Variants in AGFG2 observed in about 807,000 individuals in gnomAD.
AGFG2 encodes arf-GAP domain and FG repeat-containing protein 2.
A neutral mutation model predicts 48.0 loss-of-function variants in AGFG2; 31 were observed. The ratio of observed to expected loss-of-function variants is 0.65; its 90% CI spans 0.49 to 0.87. AGFG2 has a LOEUF of 0.87. Among genes scored for constraint, AGFG2 ranks in the 40% least tolerant of loss-of-function variants. The probability of loss-of-function intolerance (pLI) is 0.00; values close to 1 mark genes in which losing one functional copy is unlikely to be tolerated. For synonymous variants in AGFG2, 229 were observed against 260.8 expected (o/e 0.88, Z 1.18); for missense variants, 599 against 632.6 (o/e 0.95, Z 0.57).
At chr7:100,544,259 G>A (rs1201897506) in intron 1 of AGFG2, among the ~76,000 whole-genome samples, 1 of 152,154 alleles carries the variant, frequency 6.6e-6, no homozygotes, top group African/African-American at 2.4e-5. Context: ...TCAGGTGTTT[G>A]TAATAGACAC....
chr7:100,560,367 C>T (rs1309768319), intron 6 of AGFG2, among the ~76,000 whole-genome samples: 1 of 152,130 alleles, frequency 6.6e-6, no homozygotes, highest in Non-Finnish European at 1.5e-5. Context: ...TTAGTAGAGA[C>T]AGGGTTTTGC....
chr7:100,564,800 G>C (rs1800969206), intron 11 of AGFG2, 132 bp from the exon 12 acceptor site: 1 of 1,021,900 alleles, frequency 9.8e-7, no homozygotes, highest in Middle Eastern at 2.1e-4. Context: ...TACCGTGCCT[G>C]GCCTTTTCTC....
At chr7:100,542,146 G>T (rs1800431797) in intron 1 of AGFG2, among the ~76,000 whole-genome samples, 1 of 152,134 alleles carries the variant, frequency 6.6e-6, no homozygotes, top group Non-Finnish European at 1.5e-5. Flanking sequence ...CTCCTGAGTA[G>T]CTGAGACTAC....
In AGFG2 at chr7:100,539,558, C is replaced by G. The variant is rs1299208373; in HGVS notation, c.212C>G (p.Ser71Cys). 1 of 1,254,720 alleles carries G rather than the reference C, an allele frequency of 8.0e-7. No individual in the cohort carries two copies. Among genetic ancestry groups the G allele is most frequent in the East Asian group, 3.2e-5 (1 of 31,730 alleles). 77.7% of individuals were successfully genotyped at this position (1,254,720 alleles called of 1,614,324 possible). A position where few individuals can be genotyped will look rare whatever the true frequency, so the allele number is the denominator to read the frequency against. ...TVGSFVCTTC[S>C]GLLRGLNPPH... Reference sequence around the variant, plus strand: ...GGCAGCTTCGTGTGCACCACCTGCTCCGGCCTCCTGTGAGTGACCGGGAGG... The same window carrying G: ...GGCAGCTTCGTGTGCACCACCTGCTGCGGCCTCCTGTGAGTGACCGGGAGG... Residue 71 changes from serine (S) to cysteine (C), a missense_variant, in exon 1 of 12, where the codon TCC (serine) becomes TGC (cysteine). Transcript: ENST00000300176.
Position 100,562,970 on chromosome 7 carries a change from G to A in AGFG2, c.1171+24G>A. The stretch of plus-strand genomic sequence containing the variant: ...AGGTAAGCCTCCAGCATGGTCCCTT[G>A]TCCTGACCATCTGAGACTTCCAAGG... On this transcript the variant is annotated intron_variant, in intron 9 of 11. Coordinates refer to ENST00000300176, the MANE Select transcript of AGFG2 (RefSeq NM_006076.5). The surrounding 1 kb of genome is among the most constrained non-coding windows in gnomAD (Gnocchi z 5.4). 1.3e-6 allele frequency: 2 copies of A among 1,598,454 alleles called. No homozygotes were observed. The highest frequency in any genetic ancestry group is 2.2e-5 in the East Asian group (1 of 44,660).
chr7:100,551,062 ATATATTTC>A (rs1800629903), intron 3 of AGFG2, among the ~76,000 whole-genome samples: 1 of 73,908 alleles, frequency 1.4e-5, no homozygotes, highest in African/African-American at 5.7e-5. Context: ...ATATATATAT[ATATATTTC>A]TTTTTTTTTT....
Position 100,547,928 on chromosome 7 carries a change from C to A in AGFG2, c.222-894C>A, listed in dbSNP as rs756594716. 2.6e-5 allele frequency among the ~76,000 whole-genome samples: 4 copies of A among 152,324 alleles called. No individual in the cohort carries two copies. In the Middle Eastern group the frequency reaches 0.01, roughly 389 times the overall value. ...ACCACTCCACCCTTCTTTGTAGACA[C>A]AAGGAGGACCAGCTGGGCTAGAGAC... is the stretch of plus-strand genomic sequence containing the variant. On this transcript the variant is annotated intron_variant, in intron 1 of 11. Transcript: ENST00000300176.
chr7:100,562,487 C>G lies in AGFG2; in HGVS notation c.999-107C>G, dbSNP rs1456619852. The G allele has an allele frequency of 1.3e-6, 2 of 1,599,608 alleles. No homozygotes were observed. Among genetic ancestry groups the G allele is most frequent in the Middle Eastern group, 1.7e-4 (1 of 6,016 alleles). ...TCTCCTGGCAGTTCTCCCCTCCCCT[C>G]CTCTCCCTTACTCACCCTGGAGAGC... On this transcript the variant is annotated intron_variant, in intron 7 of 11. Coordinates refer to ENST00000300176, the MANE Select transcript of AGFG2 (RefSeq NM_006076.5). This position sits in a 1 kb window ranked among gnomAD's most constrained non-coding sequence, Gnocchi z 5.4.
rs951617029 is a variant in AGFG2, at chr7:100,545,319, T to G, written c.222-3503T>G. Among the ~76,000 whole-genome samples, 19 of 152,118 alleles carry G rather than the reference T, an allele frequency of 1.2e-4. 1 individual carries two copies. The highest frequency in any genetic ancestry group is 4.6e-4 in the African/African-American group (19 of 41,420). On this transcript the variant is annotated intron_variant, in intron 1 of 11. Coordinates refer to ENST00000300176, the MANE Select transcript of AGFG2 (RefSeq NM_006076.5). ...ATAGAAGCAAAAATATGGGCCAGCA[T>G]GAGGGTGATGATCACAGAAAAACAA...
intron 1 of AGFG2, among the ~76,000 whole-genome samples, chr7:100,546,675 C>T (rs1052457112): frequency 6.6e-6 from 1 of 152,152 alleles, no homozygotes; most frequent in Non-Finnish European, 1.5e-5. Context: ...TTTGAGATCA[C>T]AGGGACAATG....
In AGFG2 at chr7:100,539,372, C is replaced by T. The variant is rs1300093652; in HGVS notation, c.26C>T (p.Pro9Leu). Residue 9 changes from proline (P) to leucine (L), a missense_variant, in exon 1 of 12, where the codon CCG becomes CTG. Coordinates refer to ENST00000300176, the MANE Select transcript of AGFG2 (RefSeq NM_006076.5). Reference protein sequence around the residue: MVMAAKKGPGPGGGVSGGK... With the variant: MVMAAKKGLGPGGGVSGGK... Reference sequence around the variant, plus strand: ...ATGGTGATGGCGGCGAAGAAGGGCCCGGGCCCGGGCGGCGGGGTCAGCGGG... The same window carrying T: ...ATGGTGATGGCGGCGAAGAAGGGCCTGGGCCCGGGCGGCGGGGTCAGCGGG... 2 of 1,277,738 alleles carry T rather than the reference C, an allele frequency of 1.6e-6. No individual in the cohort carries two copies. Among genetic ancestry groups the T allele is most frequent in the Non-Finnish European group, 2.0e-6 (2 of 1,008,448 alleles). The allele number at this position is 1,277,738 out of a possible 1,614,324, so 79.2% of individuals were successfully genotyped here.
At chr7:100,555,573 AT>A (rs1800742493) in intron 5 of AGFG2, 36 bp from the exon 6 acceptor site, 3 of 1,592,848 alleles carry the variant, frequency 1.9e-6, no homozygotes, top group African/African-American at 2.7e-5. Flanking sequence ...ACACCCGACA[AT>A]TTTCTATATA....
chr7:100,566,295 G>C lies in AGFG2; in HGVS notation c.*1304G>C, dbSNP rs892323412. On this transcript the variant is annotated 3_prime_UTR_variant, in exon 12 of 12. Transcript: ENST00000300176. The stretch of plus-strand genomic sequence containing the variant: ...TGGTGCCAATGTGGTGCTGGAAGTA[G>C]ACCCCTCCTGGGTCTGGAACATTCT... 2 of 152,302 alleles carry C rather than the reference G, an allele frequency of 1.3e-5. No individual in the cohort carries two copies. Among genetic ancestry groups the C allele is most frequent in the Non-Finnish European group, 2.9e-5 (2 of 68,084 alleles). The allele number at this position is 152,302 out of a possible 1,614,324, so 9.4% of individuals were successfully genotyped here.
chr7:100,561,128 T>C (rs1446362514), intron 6 of AGFG2, among the ~76,000 whole-genome samples: 4 of 100,726 alleles, frequency 4.0e-5, no homozygotes, highest in African/African-American at 1.4e-4. Context: ...CAGATCTCCC[T>C]TTTTTTTTTT....
intron 3 of AGFG2, among the ~76,000 whole-genome samples, chr7:100,551,030 T>TTTTATATATATATATA (rs1378400368): frequency 1.8e-5 from 1 of 56,036 alleles, no homozygotes; most frequent in Non-Finnish European, 2.8e-5. Flanking sequence ...CCTGGCTAAT[T>TTTTATATATATATATA]TATATATATA....
chr7:100,548,758 C>T (rs770268581), intron 1 of AGFG2, 64 bp from the exon 2 acceptor site: 7 of 1,287,342 alleles, frequency 5.4e-6, no homozygotes, highest in Non-Finnish European at 7.9e-6. Flanking sequence ...TCCTCCTCCT[C>T]CCATGAACAG....
intron 3 of AGFG2, among the ~76,000 whole-genome samples, chr7:100,551,071 T>TATATATATATATATATA (rs1491536203): frequency 2.2e-5 from 2 of 90,366 alleles, no homozygotes; most frequent in African/African-American, 5.1e-5. Flanking sequence ...TATATATTTC[T>TATATATATATATATATA]TTTTTTTTTT....
chr7:100,543,315 T>G (rs1220441479), intron 1 of AGFG2, among the ~76,000 whole-genome samples: 1 of 152,190 alleles, frequency 6.6e-6, no homozygotes, highest in Non-Finnish European at 1.5e-5. Context: ...TCCACCTGCC[T>G]TGGCCTCCCA....
At chr7:100,545,729 G>T (rs190545252) in intron 1 of AGFG2, among the ~76,000 whole-genome samples, 55 of 152,304 alleles carry the variant, frequency 3.6e-4, no homozygotes, top group African/African-American at 1.3e-3. Flanking sequence ...GTGCAAGTGG[G>T]AGAGCTGGGC....
Sources: gnomAD v4.1 joint callset for allele counts (sites outside exome capture counted in the v4.1 genomes callset) on GRCh38, gnomAD v4.1.1 for gene constraint, Gnocchi (gnomAD v3.1) non-coding constraint, MANE v1.5 for transcripts, NCBI Gene and HGNC (gene_info 2026-07-23, HGNC 2026-07-21) for gene names.